Variants in MAGI3 observed in about 807,000 individuals in gnomAD.
MAGI3 encodes the protein membrane-associated guanylate kinase, WW and PDZ domain-containing protein 3.
Under a neutral mutation model 121.8 loss-of-function variants are expected in MAGI3, and 43 were observed. That is an observed-to-expected ratio of 0.35 (90% CI 0.28 to 0.46). MAGI3 has a LOEUF of 0.46. MAGI3 is among the 20% of genes least tolerant of loss of function. The probability of loss-of-function intolerance (pLI) is 1.00; values close to 1 mark genes in which losing one functional copy is unlikely to be tolerated. For synonymous variants in MAGI3, 553 were observed against 639.3 expected (o/e 0.86, Z 2.04); for missense variants, 1,547 against 1,797.3 (o/e 0.86, Z 2.52).
intron 1 of MAGI3, among the ~76,000 whole-genome samples, chr1:113,541,269 C>T (rs1203165281): frequency 2.0e-5 from 3 of 152,178 alleles, no homozygotes; most frequent in Non-Finnish European, 1.5e-5. Flanking sequence ...AAAGTGGACA[C>T]TCCCATTTTA....
intron 19 of MAGI3, among the ~76,000 whole-genome samples, chr1:113,680,650 G>A (rs572248461): frequency 5.8e-4 from 88 of 152,120 alleles, no homozygotes; most frequent in African/African-American, 2.0e-3. Flanking sequence ...CCAACTACTC[G>A]GGAGGCTGAG....
At chr1:113,455,378 G>A (rs1369045759) in intron 1 of MAGI3, among the ~76,000 whole-genome samples, 2 of 151,920 alleles carry the variant, frequency 1.3e-5, no homozygotes, top group Non-Finnish European at 2.9e-5. Flanking sequence ...AGAAATAGAA[G>A]ACTGTGATTA....
intron 6 of MAGI3, among the ~76,000 whole-genome samples, chr1:113,611,593 A>C (rs1165774420): frequency 6.6e-6 from 1 of 152,098 alleles, no homozygotes; most frequent in African/African-American, 2.4e-5. Flanking sequence ...GTTCTTATGC[A>C]GTCTATTAGT....
chr1:113,391,009 C>T lies in MAGI3; in HGVS notation c.-25C>T, dbSNP rs1650760327. ...CGCCCCGGCCGCCCGCGCGGGGTCT[C>T]CCCCATGGTGCAGCGGGGTTCGGGA... On this transcript the variant is annotated 5_prime_UTR_variant, in exon 1 of 21. Transcript: ENST00000307546. The surrounding 1 kb of genome is among the most constrained non-coding windows in gnomAD (Gnocchi z 4.4). 1 of 1,547,214 alleles carries T rather than the reference C, an allele frequency of 6.5e-7. No homozygotes were observed. Among genetic ancestry groups the T allele is most frequent in the South Asian group, 1.2e-5 (1 of 84,158 alleles).
chr1:113,587,485 C>G (rs998200771), intron 4 of MAGI3, among the ~76,000 whole-genome samples: 16 of 152,164 alleles, frequency 1.1e-4, no homozygotes, highest in Non-Finnish European at 1.9e-4. Context: ...CGTGAGCCAC[C>G]GTGCCCAGCC....
At chr1:113,475,634 C>T (rs897233859) in intron 1 of MAGI3, among the ~76,000 whole-genome samples, 1 of 152,110 alleles carries the variant, frequency 6.6e-6, no homozygotes, top group African/African-American at 2.4e-5. Flanking sequence ...TTCAGTTTGT[C>T]AGTATTTTAT....
At chr1:113,513,619 A>G (rs1277874241) in intron 1 of MAGI3, among the ~76,000 whole-genome samples, 3 of 152,142 alleles carry the variant, frequency 2.0e-5, no homozygotes, top group Non-Finnish European at 2.9e-5. Flanking sequence ...CTTATACAAA[A>G]ATTAATTCAA....
chr1:113,578,991 A>G (rs1647839848), intron 2 of MAGI3, among the ~76,000 whole-genome samples: 1 of 152,152 alleles, frequency 6.6e-6, no homozygotes, highest in South Asian at 2.1e-4. Context: ...AGAATATAAT[A>G]GAATGTAATG....
intron 13 of MAGI3, among the ~76,000 whole-genome samples, chr1:113,650,807 A>G (rs1653118116): frequency 1.3e-5 from 2 of 152,222 alleles, no homozygotes; most frequent in African/African-American, 4.8e-5. Context: ...CTGAGGATCT[A>G]TAAGGGATTA....
intron 15 of MAGI3, among the ~76,000 whole-genome samples, chr1:113,654,969 G>A (rs915567630): frequency 2.0e-5 from 3 of 152,092 alleles, no homozygotes. Flanking sequence ...CAAAAATCTT[G>A]CTAAAATTAA....
chr1:113,494,386 A>G (rs924518561), intron 1 of MAGI3, among the ~76,000 whole-genome samples: 1 of 152,198 alleles, frequency 6.6e-6, no homozygotes, highest in Non-Finnish European at 1.5e-5. Flanking sequence ...GGAGAGAATC[A>G]GGAGAAATAA....
intron 11 of MAGI3, among the ~76,000 whole-genome samples, chr1:113,645,257 C>T (rs1652769492): frequency 6.6e-6 from 1 of 152,124 alleles, no homozygotes; most frequent in African/African-American, 2.4e-5. Flanking sequence ...TTCCTGACCT[C>T]AGGTGATCTG....
At chr1:113,586,770 A>G (rs1648389738) in intron 4 of MAGI3, among the ~76,000 whole-genome samples, 1 of 152,160 alleles carries the variant, frequency 6.6e-6, no homozygotes, top group Non-Finnish European at 1.5e-5. Context: ...GGGAATTTAT[A>G]TGTTCTTGAT....
chr1:113,677,995 G>A (rs1647981324), intron 19 of MAGI3, among the ~76,000 whole-genome samples: 1 of 152,036 alleles, frequency 6.6e-6, no homozygotes, highest in African/African-American at 2.4e-5. Flanking sequence ...CTCCCACTCT[G>A]AGGGCCTGTC....
chr1:113,503,387 C>T (rs1657143805), intron 1 of MAGI3, among the ~76,000 whole-genome samples: 1 of 145,058 alleles, frequency 6.9e-6, no homozygotes, highest in Non-Finnish European at 1.5e-5. Flanking sequence ...ATAATTTTCT[C>T]AATACTGTAA....
At chr1:113,425,705 A>G (rs1652975004) in intron 1 of MAGI3, among the ~76,000 whole-genome samples, 1 of 152,148 alleles carries the variant, frequency 6.6e-6, no homozygotes, top group South Asian at 2.1e-4. Context: ...AAAATTGTTC[A>G]TAATATTCCT....
intron 5 of MAGI3, 150 bp from the exon 6 acceptor site, chr1:113,594,331 G>A: frequency 1.7e-6 from 1 of 594,344 alleles, no homozygotes; most frequent in Non-Finnish European, 2.9e-6. Context: ...AGAACAATAG[G>A]GTTAATGAAT....
chr1:113,643,432 T>C (rs1444892198), intron 10 of MAGI3, among the ~76,000 whole-genome samples: 2 of 152,166 alleles, frequency 1.3e-5, no homozygotes, highest in Admixed American at 1.3e-4. Context: ...TCAACAAGTA[T>C]AACAAAGACA....
At chr1:113,610,462 ATCT>A (rs1650049818) in intron 6 of MAGI3, among the ~76,000 whole-genome samples, 1 of 152,026 alleles carries the variant, frequency 6.6e-6, no homozygotes, top group South Asian at 2.1e-4. Flanking sequence ...TCAAATCTTT[ATCT>A]TCTTATATTT....
Sources: gnomAD v4.1 joint callset for allele counts (sites outside exome capture counted in the v4.1 genomes callset) on GRCh38, gnomAD v4.1.1 for gene constraint, Gnocchi (gnomAD v3.1) non-coding constraint, MANE v1.5 for transcripts, NCBI Gene and HGNC (gene_info 2026-07-23, HGNC 2026-07-21) for gene names.